Variants in C2CD3 observed in about 807,000 individuals in gnomAD.
C2CD3 encodes the protein C2 domain-containing protein 3.
In C2CD3, 148 loss-of-function variants were observed where a neutral mutation model predicts 234.0. That is an observed-to-expected ratio of 0.63 (90% confidence interval 0.55 to 0.72). The LOEUF (loss-of-function observed/expected upper bound fraction) is 0.72. C2CD3 is among the 30% of genes least tolerant of loss of function. C2CD3 has a pLI of 0.00. For missense variants in C2CD3, 2,577 were observed against 2,811.5 expected, an observed-to-expected ratio of 0.92 and a Z score of 1.89; for synonymous variants, 1,000 against 1,035.4, an observed-to-expected ratio of 0.97 and a Z score of 0.66.
At chr11:74,018,331 G>A (rs1951951119) in intron 32 of C2CD3, among the ~76,000 whole-genome samples, 1 of 152,078 alleles carries the variant, frequency 6.6e-6, no homozygotes. Flanking sequence ...AGTAGAGCTG[G>A]GGTACAGGAT....
chr11:74,133,701 T>C (rs1957755819), intron 5 of C2CD3, 144 bp from the exon 6 acceptor site: 2 of 752,500 alleles, frequency 2.7e-6, no homozygotes, highest in African/African-American at 1.8e-5. Context: ...AGCTTGAGAA[T>C]TCCTTGAGGA....
intron 3 of C2CD3, among the ~76,000 whole-genome samples, chr11:74,156,111 T>A (rs1026927168): frequency 6.6e-6 from 1 of 151,736 alleles, no homozygotes; most frequent in African/African-American, 2.4e-5. Flanking sequence ...CTGTCTCTAC[T>A]AAAATACAAA....
At chr11:74,048,843 T>C (rs967120505) in intron 27 of C2CD3, among the ~76,000 whole-genome samples, 3 of 152,052 alleles carry the variant, frequency 2.0e-5, no homozygotes, top group South Asian at 2.1e-4. Context: ...ATAGAAAACA[T>C]AGTCTTTGCC....
At chr11:74,167,101 T>C (rs985620449) in intron 2 of C2CD3, among the ~76,000 whole-genome samples, 2 of 152,202 alleles carry the variant, frequency 1.3e-5, no homozygotes. Flanking sequence ...GAATCAGATA[T>C]GGGAAGAGAC....
chr11:74,111,569 A>G (rs1427308746), intron 11 of C2CD3, among the ~76,000 whole-genome samples: 1 of 152,182 alleles, frequency 6.6e-6, no homozygotes, highest in Non-Finnish European at 1.5e-5. Context: ...CCAAAATCTG[A>G]AAAAATTCGA....
chr11:74,139,562 GCAGTT>G (rs748817519), intron 4 of C2CD3, 38 bp downstream of exon 4: 24 of 1,262,268 alleles, frequency 1.9e-5, no homozygotes, highest in Non-Finnish European at 2.6e-5. Flanking sequence ...CAACTACAGT[GCAGTT>G]AACTGACAGA....
chr11:74,103,364 C>T lies in C2CD3; in HGVS notation c.2347G>A (p.Ala783Thr). The T allele has an allele frequency of 6.2e-7, 1 of 1,614,178 alleles. No individual in the cohort carries two copies. The highest frequency in any genetic ancestry group is 8.5e-7 in the Non-Finnish European group (1 of 1,180,040). The change falls in exon 14 of 33, where the codon GCT becomes ACT. Residue 783 changes from alanine (A) to threonine (T), a missense_variant. Physicochemically the swap from Ala to Thr is moderately conservative, Grantham distance 58. Transcript: ENST00000334126. ...ACTAAATTATGGGAGGCTGGCGTAGCTACGAAGGTTGAAGGATGTGGTGCT... is the reference window on the plus strand; with the variant it reads ...ACTAAATTATGGGAGGCTGGCGTAGTTACGAAGGTTGAAGGATGTGGTGCT... ...PVAPHPSTFV[A>T]TPASHNLVNQ...
At chr11:74,105,482 G>A (rs926523228) in intron 13 of C2CD3, among the ~76,000 whole-genome samples, 1 of 152,032 alleles carries the variant, frequency 6.6e-6, no homozygotes, top group Non-Finnish European at 1.5e-5. Flanking sequence ...TGTTGCCCAG[G>A]CTGGTCTAGA....
intron 3 of C2CD3, among the ~76,000 whole-genome samples, chr11:74,151,916 T>C (rs987917373): frequency 1.3e-5 from 2 of 152,132 alleles, no homozygotes; most frequent in Non-Finnish European, 2.9e-5. Flanking sequence ...GATGAAAATA[T>C]TTGAAATGAA....
intron 8 of C2CD3, among the ~76,000 whole-genome samples, chr11:74,121,268 A>G (rs192495189): frequency 6.6e-6 from 1 of 152,258 alleles, no homozygotes; most frequent in East Asian, 1.9e-4. Flanking sequence ...GTTTCATGCT[A>G]TGTAAAAGAG....
At position 74,078,663 on chromosome 11, in the gene C2CD3, C is replaced by T; in HGVS notation, c.4055G>A (p.Gly1352Asp). Residue 1352 changes from glycine to aspartate, a missense_variant, in exon 23 of 33, where the codon GGC becomes GAC. Gly to Asp is a moderately conservative substitution (Grantham distance 94). Transcript: ENST00000334126. ...CACGATCTTCTGCATGAGCTCCAGG[C>T]CATGAGGTAGGCCCCCGTCTTCTGG... ...ILPEDGGLPH[G>D]LELMQKIVGG... 2 of 1,613,938 alleles carry T rather than the reference C, an allele frequency of 1.2e-6. No individual in the cohort carries two copies. The highest frequency in any genetic ancestry group is 1.7e-6 in the Non-Finnish European group (2 of 1,179,886).
intron 2 of C2CD3, among the ~76,000 whole-genome samples, chr11:74,162,769 C>T (rs1005340837): frequency 5.3e-5 from 8 of 152,132 alleles, no homozygotes; most frequent in African/African-American, 1.9e-4. Flanking sequence ...TTGCCAATAA[C>T]TCAGGCTTTG....
chr11:74,072,994 G>A (rs1330718172), intron 24 of C2CD3, among the ~76,000 whole-genome samples: 1 of 152,138 alleles, frequency 6.6e-6, no homozygotes, highest in Non-Finnish European at 1.5e-5. Flanking sequence ...TGCCTGAGCT[G>A]GGTCTGAAGA....
chr11:74,121,849 G>A (rs563923137), intron 8 of C2CD3, among the ~76,000 whole-genome samples: 72 of 152,258 alleles, frequency 4.7e-4, no homozygotes, highest in Admixed American at 3.2e-3. Context: ...GGGAAGTCAT[G>A]AAATCCTAAC....
intron 2 of C2CD3, among the ~76,000 whole-genome samples, chr11:74,166,754 A>G (rs924960724): frequency 2.1e-4 from 32 of 152,270 alleles, no homozygotes; most frequent in Non-Finnish European, 2.4e-4. Flanking sequence ...TACATCTCAA[A>G]TCTCTGTACA....
chr11:74,031,648 T>G (rs1001159855), intron 31 of C2CD3, among the ~76,000 whole-genome samples: 7 of 152,192 alleles, frequency 4.6e-5, no homozygotes, highest in African/African-American at 1.7e-4. Flanking sequence ...TGGGAACTTC[T>G]CGAGGTAAGG....
intron 30 of C2CD3, chr11:74,036,545 C>T (rs973961471): frequency 8.8e-6 from 4 of 455,044 alleles, no homozygotes; most frequent in African/African-American, 8.0e-5. Flanking sequence ...TTTTTCTCTC[C>T]TGTTAGACAA....
chr11:74,035,026 A>C (rs1952672785), intron 30 of C2CD3, among the ~76,000 whole-genome samples: 1 of 152,238 alleles, frequency 6.6e-6, no homozygotes, highest in Non-Finnish European at 1.5e-5. Context: ...ATGGGAGTGA[A>C]TCAATTAATA....
At chr11:74,085,980 C>A in intron 20 of C2CD3, 94 bp from the exon 21 acceptor site, 2 of 1,275,724 alleles carry the variant, frequency 1.6e-6, no homozygotes, top group Non-Finnish European at 1.1e-6. Flanking sequence ...TTCTATGAGA[C>A]CACCAAGAAT....
Sources: allele counts gnomAD v4.1 joint callset (sites outside exome capture counted in the v4.1 genomes callset), GRCh38; gene constraint gnomAD v4.1.1; transcripts MANE v1.5; gene names NCBI Gene and HGNC (gene_info 2026-07-23, HGNC 2026-07-21).